The following GALNT18 variants were observed in gnomAD, a reference collection of about 807,000 sequenced individuals.
GALNT18 encodes GalNAc-transferase 18.
In GALNT18, 44 loss-of-function variants were observed where a neutral mutation model predicts 69.5. That is an observed-to-expected ratio of 0.63 (90% CI 0.50 to 0.81). The LOEUF (loss-of-function observed/expected upper bound fraction) is 0.81, where lower values mean the gene tolerates loss of function less well. Ranked by LOEUF, GALNT18 falls within the 40% of genes least tolerant of loss-of-function variation. GALNT18 has a pLI of 0.00. For missense variants in GALNT18, 715 were observed against 810.0 expected (o/e 0.88, Z 1.42); for synonymous variants, 364 against 318.2 (o/e 1.14, Z -1.53).
chr11:11,403,590 C>T (rs191312025), intron 3 of GALNT18, among the ~76,000 whole-genome samples: 59 of 152,310 alleles, frequency 3.9e-4, no homozygotes, highest in Non-Finnish European at 4.1e-4. Context: ...TGGAACTTCT[C>T]CTTCTGAAAG....
intron 6 of GALNT18, among the ~76,000 whole-genome samples, chr11:11,369,865 A>G (rs1019388863): frequency 6.6e-6 from 1 of 152,198 alleles, no homozygotes; most frequent in African/African-American, 2.4e-5. Context: ...CTCAGTAGAC[A>G]TAATTGTGAA....
chr11:11,282,871 ATAAAT>A (rs1487476451), intron 10 of GALNT18, among the ~76,000 whole-genome samples: 2 of 152,032 alleles, frequency 1.3e-5, no homozygotes, highest in Non-Finnish European at 2.9e-5. Flanking sequence ...AAGCAGAAAA[ATAAAT>A]TCCAAAGCAT....
At chr11:11,395,145 C>T (rs1205849304) in intron 3 of GALNT18, among the ~76,000 whole-genome samples, 1 of 152,236 alleles carries the variant, frequency 6.6e-6, no homozygotes, top group Non-Finnish European at 1.5e-5. Context: ...AAGGTTCAGG[C>T]CCTGTCAACC....
chr11:11,541,302 C>T lies in GALNT18; in HGVS notation c.235+80057G>A, dbSNP rs1278375178. ...CAAACTCCTCCACCTCTCTCCCCTCCCATAGCCAACTGGACACCAGGGCTT... is the reference window on the plus strand; with the variant it reads ...CAAACTCCTCCACCTCTCTCCCCTCTCATAGCCAACTGGACACCAGGGCTT... On this transcript the variant is annotated intron_variant, in intron 1 of 10. Transcript: ENST00000227756. The surrounding 1 kb of genome is among the most constrained non-coding windows in gnomAD (Gnocchi z 4.8). Among the ~76,000 whole-genome samples, 4 of 152,274 alleles carry T rather than the reference C, an allele frequency of 2.6e-5. No homozygotes were observed. Among genetic ancestry groups the T allele is most frequent in the East Asian group, 3.9e-4 (2 of 5,168 alleles).
chr11:11,313,069 T>G (rs1202893254), intron 9 of GALNT18, among the ~76,000 whole-genome samples: 3 of 152,276 alleles, frequency 2.0e-5, no homozygotes, highest in African/African-American at 4.8e-5. Flanking sequence ...CAGGAAAGAC[T>G]GCCCTAAAGA....
At chr11:11,581,214 G>A (rs1429721523) in intron 1 of GALNT18, among the ~76,000 whole-genome samples, 1 of 152,220 alleles carries the variant, frequency 6.6e-6, no homozygotes, top group Non-Finnish European at 1.5e-5. Context: ...CGACAGCACT[G>A]TCCATGCTGG....
intron 3 of GALNT18, among the ~76,000 whole-genome samples, chr11:11,429,840 A>T (rs1855225787): frequency 6.6e-6 from 1 of 152,200 alleles, no homozygotes; most frequent in Non-Finnish European, 1.5e-5. Context: ...GCTGTGAATC[A>T]TTAGGAATGC....
rs1284016966 is a variant in GALNT18 at position 11,538,374 on chromosome 11, C to T, written c.235+82985G>A. On this transcript the variant is annotated intron_variant, in intron 1 of 10. Coordinates refer to ENST00000227756, the MANE Select transcript of GALNT18 (RefSeq NM_198516.3). This position sits in a 1 kb window ranked among gnomAD's most constrained non-coding sequence, Gnocchi z 5.2. ...GCTGGAGGAGGGCTGCTCTTTCTGC[C>T]GCATGTTCATTTCAGCTGAGCCACC... Among the ~76,000 whole-genome samples, 2 of 152,122 alleles carry T rather than the reference C, an allele frequency of 1.3e-5. No homozygotes were observed. Among genetic ancestry groups the T allele is most frequent in the Non-Finnish European group, 1.5e-5 (1 of 68,010 alleles).
chr11:11,390,921 C>T (rs1181816517), intron 3 of GALNT18, among the ~76,000 whole-genome samples: 1 of 152,252 alleles, frequency 6.6e-6, no homozygotes, highest in Non-Finnish European at 1.5e-5. Context: ...CCTCAGTTCT[C>T]TCTTCTACCT....
chr11:11,433,759 G>A (rs895272531), intron 2 of GALNT18, among the ~76,000 whole-genome samples: 11 of 152,314 alleles, frequency 7.2e-5, no homozygotes, highest in African/African-American at 2.6e-4. Context: ...CACTGCTGGT[G>A]CCCTTCCCTG....
intron 3 of GALNT18, among the ~76,000 whole-genome samples, chr11:11,431,312 G>C (rs1223996072): frequency 6.6e-6 from 1 of 152,160 alleles, no homozygotes; most frequent in Non-Finnish European, 1.5e-5. Flanking sequence ...GTGTGGGGCA[G>C]GCTAGTCAGG....
chr11:11,451,927 G>A (rs947405292), intron 1 of GALNT18, among the ~76,000 whole-genome samples: 1 of 152,056 alleles, frequency 6.6e-6, no homozygotes, highest in Non-Finnish European at 1.5e-5. Context: ...TGGTCCAAGG[G>A]CCACTACTTG....
rs114370986 is a variant in GALNT18 at position 11,619,771 on chromosome 11, A to G, written c.235+1588T>C. On this transcript the variant is annotated intron_variant, in intron 1 of 10. Coordinates refer to ENST00000227756, the MANE Select transcript of GALNT18 (RefSeq NM_198516.3). This position sits in a 1 kb window ranked among gnomAD's most constrained non-coding sequence, Gnocchi z 4.9. ...TCAATCAAGACCTATGGGATGGAAA[A>G]GGACACGTAAGAAATAACAGCAACT... Among the ~76,000 whole-genome samples the G allele has an allele frequency of 0.012, 1,879 of 152,294 alleles. 37 individuals carry two copies. Among genetic ancestry groups the G allele is most frequent in the African/African-American group, 0.043 (1,776 of 41,548 alleles).
intron 1 of GALNT18, among the ~76,000 whole-genome samples, chr11:11,561,346 A>C (rs1165584611): frequency 9.8e-6 from 1 of 102,158 alleles, no homozygotes. Flanking sequence ...ACTTCTCCAA[A>C]TGAAGCACTG....
Position 11,402,113 on chromosome 11 carries a change from G to A in GALNT18, c.596-22849C>T, listed in dbSNP as rs1317967635. 4.6e-5 allele frequency among the ~76,000 whole-genome samples: 7 copies of A among 152,224 alleles called. No homozygotes were observed. Among genetic ancestry groups the A allele is most frequent in the African/African-American group, 1.7e-4 (7 of 41,466 alleles). On this transcript the variant is annotated intron_variant, in intron 3 of 10. Transcript: ENST00000227756. The surrounding 1 kb of genome is among the most constrained non-coding windows in gnomAD (Gnocchi z 4.0). Reference sequence around the variant, plus strand: ...GGTGAATTCAAGGTAATCACAGATGGCTGGCACAGAATTCTTCACATAAAG... The same window carrying A: ...GGTGAATTCAAGGTAATCACAGATGACTGGCACAGAATTCTTCACATAAAG...
At chr11:11,289,730 G>T (rs1242734779) in intron 10 of GALNT18, among the ~76,000 whole-genome samples, 2 of 152,206 alleles carry the variant, frequency 1.3e-5, no homozygotes, top group African/African-American at 4.8e-5. Flanking sequence ...ATTCTGTGAG[G>T]GCTGGAAAGA....
rs1165171646 is a variant in GALNT18 at position 11,387,122 on chromosome 11, G to A, written c.596-7858C>T. 6.6e-6 allele frequency among the ~76,000 whole-genome samples: 1 copy of A among 152,222 alleles called. No individual in the cohort carries two copies. The highest frequency in any genetic ancestry group is 1.5e-5 in the Non-Finnish European group (1 of 68,042). ...CCCATAACACAAGGATGTAAATGCA[G>A]TCTGAAAACGGCTGCCTCACACCTG... is the stretch of plus-strand genomic sequence containing the variant. On this transcript the variant is annotated intron_variant, in intron 3 of 10. Coordinates refer to ENST00000227756, the MANE Select transcript of GALNT18 (RefSeq NM_198516.3). This position sits in a 1 kb window ranked among gnomAD's most constrained non-coding sequence, Gnocchi z 4.6.
intron 1 of GALNT18, among the ~76,000 whole-genome samples, chr11:11,490,600 G>A (rs1856748089): frequency 6.6e-6 from 1 of 152,156 alleles, no homozygotes; most frequent in Non-Finnish European, 1.5e-5. Context: ...CCCAGTCCAG[G>A]GGCCTATAGG....
intron 2 of GALNT18, among the ~76,000 whole-genome samples, chr11:11,441,876 T>C (rs898328814): frequency 6.6e-6 from 1 of 152,206 alleles, no homozygotes; most frequent in African/African-American, 2.4e-5. Context: ...TGAACTTTAG[T>C]ATAGTGACAG....
Sources: allele counts gnomAD v4.1 joint callset (sites outside exome capture counted in the v4.1 genomes callset), GRCh38; gene constraint gnomAD v4.1.1; non-coding constraint Gnocchi (gnomAD v3.1); transcripts MANE v1.5; gene names NCBI Gene and HGNC (gene_info 2026-07-23, HGNC 2026-07-21).